LSAMP: variants seen among roughly 807,000 people sequenced by gnomAD.
LSAMP encodes limbic system associated membrane protein, also known as limbic system-associated membrane protein.
LSAMP carries 7 observed loss-of-function variants against 38.6 expected under a neutral mutation model. The observed-to-expected ratio is 0.18, with a 90% CI of 0.10 to 0.34. The LOEUF (loss-of-function observed/expected upper bound fraction) is 0.34. LSAMP is among the 10% of genes least tolerant of loss of function. LSAMP has a pLI of 1.00. For missense variants in LSAMP, 313 were observed against 420.0 expected, an observed-to-expected ratio of 0.75 and a Z score of 2.23; for synonymous variants, 154 against 166.8, an observed-to-expected ratio of 0.92 and a Z score of 0.59.
At chr3:116,066,514 G>T (rs575514753) in intron 2 of LSAMP, among the ~76,000 whole-genome samples, 2 of 152,158 alleles carry the variant, frequency 1.3e-5, no homozygotes, top group Middle Eastern at 3.4e-3. Context: ...GTCTTCATTT[G>T]TTGAAAAATT....
At chr3:115,858,174 A>ACACC (rs1464653242) in intron 3 of LSAMP, among the ~76,000 whole-genome samples, 17 of 149,034 alleles carry the variant, frequency 1.1e-4, no homozygotes. Flanking sequence ...TCACACACAC[A>ACACC]CACCCCACAA....
chr3:116,358,727 G>C (rs1168948140), intron 1 of LSAMP, among the ~76,000 whole-genome samples: 4 of 151,918 alleles, frequency 2.6e-5, no homozygotes, highest in Admixed American at 2.6e-4. Flanking sequence ...TGAATCATTT[G>C]TACCATAAAG....
chr3:116,074,431 T>A (rs80008833), intron 2 of LSAMP, among the ~76,000 whole-genome samples: 2,091 of 152,270 alleles, frequency 0.014, 50 homozygotes, highest in African/African-American at 0.047. Flanking sequence ...ATAATTTTTT[T>A]AAAAAAATAA....
chr3:116,295,737 A>T (rs2107699314), intron 1 of LSAMP, among the ~76,000 whole-genome samples: 1 of 152,316 alleles, frequency 6.6e-6, no homozygotes, highest in African/African-American at 2.4e-5. Context: ...GGGAACAAAA[A>T]GGTATTATGT....
At chr3:115,863,920 A>G (rs1389704544) in intron 3 of LSAMP, among the ~76,000 whole-genome samples, 1 of 152,124 alleles carries the variant, frequency 6.6e-6, no homozygotes, top group African/African-American at 2.4e-5. Flanking sequence ...TTAGACACCA[A>G]TTCCAAATGA....
intron 3 of LSAMP, among the ~76,000 whole-genome samples, chr3:115,927,975 T>C (rs1447347056): frequency 1.3e-5 from 2 of 152,232 alleles, no homozygotes; most frequent in African/African-American, 4.8e-5. Context: ...CTGTGCCTAA[T>C]TGATTATCTG....
At chr3:116,162,899 A>C (rs1709933382) in intron 1 of LSAMP, among the ~76,000 whole-genome samples, 1 of 151,814 alleles carries the variant, frequency 6.6e-6, no homozygotes, top group Non-Finnish European at 1.5e-5. Context: ...CTCCCTCTCA[A>C]GGTGCTCCTT....
intron 1 of LSAMP, among the ~76,000 whole-genome samples, chr3:116,339,896 C>G (rs1210390957): frequency 6.6e-6 from 1 of 152,018 alleles, no homozygotes; most frequent in Non-Finnish European, 1.5e-5. Context: ...GAGTAACTCC[C>G]AGGCTTGAGT....
rs112685405 is a variant in LSAMP at position 116,309,516 on chromosome 3, A to C, written c.155+135361T>G. Among the ~76,000 whole-genome samples the C allele has an allele frequency of 1.6e-3, 248 of 152,286 alleles. 2 individuals carry two copies. The highest frequency in any genetic ancestry group is 5.7e-3 in the African/African-American group (237 of 41,580). On this transcript the variant is annotated intron_variant, in intron 1 of 6. Coordinates refer to ENST00000490035, the MANE Select transcript of LSAMP (RefSeq NM_002338.5). ...AGCTACATTTGGCTAGTGGCTACTT[A>C]CTATATGAGGAAGTGACTTTCTAAC...
At chr3:116,199,661 T>G (rs1196971509) in intron 1 of LSAMP, among the ~76,000 whole-genome samples, 1 of 152,154 alleles carries the variant, frequency 6.6e-6, no homozygotes, top group Non-Finnish European at 1.5e-5. Flanking sequence ...AGACAGAATT[T>G]CCAGAAGATG....
chr3:115,837,193 A>T (rs939085844), intron 6 of LSAMP, among the ~76,000 whole-genome samples: 11 of 152,308 alleles, frequency 7.2e-5, no homozygotes, highest in African/African-American at 2.6e-4. Context: ...TAGCACTTGA[A>T]ATTTAGTCAA....
intron 1 of LSAMP, among the ~76,000 whole-genome samples, chr3:116,285,249 C>T (rs13100898): frequency 0.058 from 8,761 of 152,132 alleles, 320 homozygotes; most frequent in Middle Eastern, 0.11. Flanking sequence ...AATGGCCTCC[C>T]GTCACTCATG....
chr3:115,851,371 A>G lies in LSAMP; in HGVS notation c.649+1112T>C, dbSNP rs535060127. 3.3e-5 allele frequency among the ~76,000 whole-genome samples: 5 copies of G among 152,222 alleles called. No homozygotes were observed. In the South Asian group the frequency reaches 8.3e-4, roughly 25 times the overall value. On this transcript the variant is annotated intron_variant, in intron 4 of 6. Transcript: ENST00000490035. Reference sequence around the variant, plus strand: ...GAGTGTGGGCTTTAGAATCAAATGGACCTGAGTCTGAATCCCTTTTCTTAC... The same window carrying G: ...GAGTGTGGGCTTTAGAATCAAATGGGCCTGAGTCTGAATCCCTTTTCTTAC...
chr3:116,222,980 C>T (rs534491741), intron 1 of LSAMP, among the ~76,000 whole-genome samples: 6 of 151,866 alleles, frequency 4.0e-5, no homozygotes, highest in South Asian at 2.1e-4. Flanking sequence ...CCTCGTGATC[C>T]GCCTGCCTCG....
chr3:116,398,859 C>T (rs897029567), intron 1 of LSAMP, among the ~76,000 whole-genome samples: 1 of 152,044 alleles, frequency 6.6e-6, no homozygotes, highest in East Asian at 1.9e-4. Flanking sequence ...ATAAATGAAT[C>T]CAATAAGAAT....
chr3:116,030,120 A>G (rs1397329898), intron 2 of LSAMP, among the ~76,000 whole-genome samples: 2 of 152,144 alleles, frequency 1.3e-5, no homozygotes, highest in African/African-American at 4.8e-5. Flanking sequence ...CTGCAAACTG[A>G]GAGTCCCTTA....
intron 1 of LSAMP, among the ~76,000 whole-genome samples, chr3:116,269,105 C>T (rs1159446625): frequency 6.6e-6 from 1 of 151,994 alleles, no homozygotes; most frequent in African/African-American, 2.4e-5. Context: ...TCTGTTCATC[C>T]CCTCCCACAC....
intron 1 of LSAMP, among the ~76,000 whole-genome samples, chr3:116,399,392 G>C (rs2048810290): frequency 6.6e-6 from 1 of 152,110 alleles, no homozygotes; most frequent in Admixed American, 6.6e-5. Context: ...GCCTGTGTAT[G>C]GGTAGTAATA....
In LSAMP at chr3:116,435,495, A is replaced by G. The variant is rs2049337825; in HGVS notation, c.155+9382T>C. On this transcript the variant is annotated intron_variant, in intron 1 of 6. Transcript: ENST00000490035. ...CCTTCTCTTGATAAGACCTTGTTGG[A>G]TATCTCTGCCTCCACCTCTCACTCT... Among the ~76,000 whole-genome samples, 4 of 151,592 alleles carry G rather than the reference A, an allele frequency of 2.6e-5. No individual in the cohort carries two copies. In the South Asian group the frequency reaches 8.3e-4, roughly 32 times the overall value.
Sources: gnomAD v4.1 joint callset for allele counts (sites outside exome capture counted in the v4.1 genomes callset) on GRCh38, gnomAD v4.1.1 for gene constraint, MANE v1.5 for transcripts, NCBI Gene and HGNC (gene_info 2026-07-23, HGNC 2026-07-21) for gene names.